Variants in SMAP2 observed in about 807,000 individuals in gnomAD.
SMAP2 encodes the protein small ArfGAP2.
SMAP2 carries 25 observed loss-of-function variants against 56.4 expected under a neutral mutation model. The observed-to-expected ratio is 0.44, with a 90% CI of 0.32 to 0.62. The LOEUF (loss-of-function observed/expected upper bound fraction) is 0.62, where lower values mean the gene tolerates loss of function less well. SMAP2 is among the 20% of genes least tolerant of loss of function. SMAP2 has a pLI of 0.04. For missense variants in SMAP2, 388 were observed against 545.6 expected (o/e 0.71, Z 2.88); for synonymous variants, 157 against 181.7 (o/e 0.86, Z 1.09).
upstream of SMAP2, among the ~76,000 whole-genome samples, chr1:40,372,332 G>C (rs1265821853): frequency 6.6e-6 from 1 of 152,084 alleles, no homozygotes; most frequent in Non-Finnish European, 1.5e-5. Flanking sequence ...TTGGAGGGGT[G>C]GTTCTTACTG....
chr1:40,399,662 A>G (rs1644811005), intron 1 of SMAP2, among the ~76,000 whole-genome samples: 1 of 149,156 alleles, frequency 6.7e-6, no homozygotes, highest in Non-Finnish European at 1.5e-5. Context: ...TGATCGCACC[A>G]CTGCACTCCA....
intron 1 of SMAP2, chr1:40,403,680 C>A (rs772651015): frequency 3.7e-5 from 36 of 981,752 alleles, no homozygotes; most frequent in Non-Finnish European, 4.4e-5. Flanking sequence ...CCTCTGTGTT[C>A]TAGGGCACTG....
At chr1:40,418,635 C>T (rs1645012885) in intron 9 of SMAP2, among the ~76,000 whole-genome samples, 1 of 152,134 alleles carries the variant, frequency 6.6e-6, no homozygotes, top group Non-Finnish European at 1.5e-5. Flanking sequence ...GTTTAGGGGT[C>T]CAACCTTTTC....
intron 1 of SMAP2, chr1:40,393,297 A>C: frequency 6.6e-7 from 1 of 1,504,784 alleles, no homozygotes; most frequent in African/African-American, 1.4e-5. Flanking sequence ...ACAAAGCAAC[A>C]AACCCTATCT....
At chr1:40,348,271 A>G (rs1051663034) in intron 1 of SMAP2, among the ~76,000 whole-genome samples, 1 of 152,220 alleles carries the variant, frequency 6.6e-6, no homozygotes, top group African/African-American at 2.4e-5. Flanking sequence ...TTTGATATGT[A>G]TTTCTGAATT....
chr1:40,400,297 T>A (rs1013966883), intron 1 of SMAP2, among the ~76,000 whole-genome samples: 1 of 152,232 alleles, frequency 6.6e-6, no homozygotes, highest in African/African-American at 2.4e-5. Flanking sequence ...TTGGAAACTA[T>A]GTTAAGGATT....
chr1:40,403,641 A>T, intron 1 of SMAP2: 2 of 984,848 alleles, frequency 2.0e-6, no homozygotes, highest in Non-Finnish European at 2.4e-6. Flanking sequence ...TCTATACCAC[A>T]TCCTTATATA....
At chr1:40,407,736 A>G (rs1396796619) in intron 2 of SMAP2, among the ~76,000 whole-genome samples, 2 of 152,198 alleles carry the variant, frequency 1.3e-5, no homozygotes, top group East Asian at 1.9e-4. Context: ...TTTAAACATA[A>G]TTAACCTTAA....
At chr1:40,353,396 T>C (rs533463567) in intron 1 of SMAP2, among the ~76,000 whole-genome samples, 2 of 152,208 alleles carry the variant, frequency 1.3e-5, no homozygotes, top group African/African-American at 4.8e-5. Flanking sequence ...GAGACAGAGT[T>C]TTGCTCTTGT....
At chr1:40,412,192 G>A (rs146391293) in intron 4 of SMAP2, among the ~76,000 whole-genome samples, 1 of 151,880 alleles carries the variant, frequency 6.6e-6, no homozygotes, top group African/African-American at 2.4e-5. Flanking sequence ...GACTATTTTC[G>A]TAAGATACAT....
chr1:40,361,935 T>C (rs1197843177), intron 1 of SMAP2, among the ~76,000 whole-genome samples: 1 of 152,188 alleles, frequency 6.6e-6, no homozygotes, highest in African/African-American at 2.4e-5. Context: ...CTGTGGCCAA[T>C]GCAAAAGAGG....
At position 40,422,366 on chromosome 1, in the gene SMAP2, AAG is replaced by A; in HGVS notation, c.*266_*267del. The A allele has an allele frequency of 2.4e-6, 1 of 419,622 alleles. No homozygotes were observed. The highest frequency in any genetic ancestry group is 4.5e-6 in the Non-Finnish European group (1 of 223,230). The allele number at this position is 419,622 out of a possible 1,614,324, so 26.0% of individuals were successfully genotyped here. ...CCAGCACCTTAGAAGTTGTTGGCAG[AAG>A]GCACTTAAACTGTGGGAGAAGTGTG... is the stretch of plus-strand genomic sequence containing the variant. On this transcript the variant is annotated 3_prime_UTR_variant, in exon 10 of 10. Transcript: ENST00000372718.
At chr1:40,379,597 T>C (rs1557829785) in intron 1 of SMAP2, among the ~76,000 whole-genome samples, 1 of 146,272 alleles carries the variant, frequency 6.8e-6, no homozygotes, top group Non-Finnish European at 1.5e-5. Context: ...AGTCTTGCTA[T>C]GTACAGTGGT....
chr1:40,422,175 C>G lies in SMAP2; in HGVS notation c.*74C>G, dbSNP rs192579150. 1 of 1,577,292 alleles carries G rather than the reference C, an allele frequency of 6.3e-7. No individual in the cohort carries two copies. Among genetic ancestry groups the G allele is most frequent in the African/African-American group, 1.3e-5 (1 of 74,190 alleles). ...CTTTCCACAGCCTCCACCCCTGACCCCCATCCTCTTTTCCTACCTCTCTGT... is the reference window on the plus strand; with the variant it reads ...CTTTCCACAGCCTCCACCCCTGACCGCCATCCTCTTTTCCTACCTCTCTGT... On this transcript the variant is annotated 3_prime_UTR_variant, in exon 10 of 10. Coordinates refer to ENST00000372718, the MANE Select transcript of SMAP2 (RefSeq NM_022733.3).
chr1:40,403,673 CTG>C, intron 1 of SMAP2: 1 of 983,504 alleles, frequency 1.0e-6, no homozygotes, highest in Non-Finnish European at 1.2e-6. Context: ...TATTGTCCCT[CTG>C]TGTTCTAGGG....
chr1:40,421,475 G>A (rs1315731138), intron 9 of SMAP2, among the ~76,000 whole-genome samples: 4 of 141,828 alleles, frequency 2.8e-5, no homozygotes, highest in African/African-American at 7.7e-5. Flanking sequence ...CCCCGCCACC[G>A]CCTTTGTTCA....
At chr1:40,357,629 C>A (rs1644442333) in intron 1 of SMAP2, among the ~76,000 whole-genome samples, 1 of 152,146 alleles carries the variant, frequency 6.6e-6, no homozygotes, top group Non-Finnish European at 1.5e-5. Flanking sequence ...GGTCTAGTTT[C>A]ATTCTTCTAC....
At chr1:40,356,414 TG>T (rs200437098) in intron 1 of SMAP2, among the ~76,000 whole-genome samples, 11 of 150,472 alleles carry the variant, frequency 7.3e-5, no homozygotes, top group African/African-American at 1.5e-4. Context: ...TGTTTTTTTT[TG>T]TTTTTTTTTT....
chr1:40,412,680 C>T (rs1453727955), intron 4 of SMAP2, among the ~76,000 whole-genome samples: 2 of 152,134 alleles, frequency 1.3e-5, no homozygotes, highest in Non-Finnish European at 2.9e-5. Flanking sequence ...CCTCTCAAAG[C>T]ATGGGCAAAT....
Sources: gnomAD v4.1 joint callset for allele counts (sites outside exome capture counted in the v4.1 genomes callset) on GRCh38, gnomAD v4.1.1 for gene constraint, MANE v1.5 for transcripts, NCBI Gene and HGNC (gene_info 2026-07-23, HGNC 2026-07-21) for gene names.